Variants in CD109 observed in about 807,000 individuals in gnomAD.
The protein encoded by CD109 is CD109 molecule.
CD109 carries 149 observed loss-of-function variants against 165.8 expected under a neutral mutation model. That is an observed-to-expected ratio of 0.90 (90% CI 0.79 to 1.03). CD109 has a LOEUF of 1.03. Ranked by LOEUF, CD109 falls within the 50% of genes least tolerant of loss-of-function variation. CD109 has a pLI of 0.00. For missense variants in CD109, 1,712 were observed against 1,677.8 expected, an observed-to-expected ratio of 1.02 and a Z score of -0.36; for synonymous variants, 585 against 592.1, an observed-to-expected ratio of 0.99 and a Z score of 0.18.
rs750651199 is a variant in CD109, at chr6:73,818,375, C to T, written c.3912-13C>T. On this transcript the variant is annotated splice_polypyrimidine_tract_variant and intron_variant, in intron 30 of 32. Coordinates refer to ENST00000287097, the MANE Select transcript of CD109 (RefSeq NM_133493.5). ...CCTGAGGAGTTTTCATTCATCCTCC[C>T]TCTTTGATTTAGCTTTTCGGGCCCG... The T allele has an allele frequency of 7.4e-6, 12 of 1,613,568 alleles. No homozygotes were observed. In the Middle Eastern group the frequency reaches 5.0e-4, roughly 67 times the overall value.
At position 73,723,382 on chromosome 6, in the gene CD109, T is replaced by C. The variant is rs941239287; in HGVS notation, c.276+103T>C. 7.9e-5 allele frequency: 73 copies of C among 923,324 alleles called. 1 individual carries two copies. The Admixed American group carries it at 1.2e-3, about 15-fold the overall frequency. 57.2% of individuals were successfully genotyped at this position (923,324 alleles called of 1,614,324 possible). A position where few individuals can be genotyped will look rare whatever the true frequency, so the allele number is the denominator to read the frequency against. On this transcript the variant is annotated intron_variant, in intron 3 of 32. Coordinates refer to ENST00000287097, the MANE Select transcript of CD109 (RefSeq NM_133493.5). ...TTTATGTCAATTCACACATTTCACG[T>C]TTCATGTAAGTTTGGCTTGAGTTTA... is the stretch of plus-strand genomic sequence containing the variant.
intron 20 of CD109, among the ~76,000 whole-genome samples, chr6:73,786,126 A>T (rs7769064): frequency 1.3e-5 from 2 of 151,896 alleles, no homozygotes; most frequent in Non-Finnish European, 2.9e-5. Context: ...GAGCCACTGC[A>T]CCCGACTGCC....
intron 2 of CD109, among the ~76,000 whole-genome samples, chr6:73,709,011 C>A (rs1434788840): frequency 2.6e-5 from 4 of 152,126 alleles, no homozygotes; most frequent in African/African-American, 9.7e-5. Context: ...TTAATTAGAT[C>A]CCATTTGTCA....
chr6:73,756,640 T>C lies in CD109; in HGVS notation c.634-3T>C, dbSNP rs769893136. ...TGTCTTTTTTTTCTCCCCTGCCCAA[T>C]AGGACCAGACATACTATCAATCATT... On this transcript the variant is annotated splice_polypyrimidine_tract_variant and splice_region_variant and intron_variant, in intron 5 of 32. Coordinates refer to ENST00000287097, the MANE Select transcript of CD109 (RefSeq NM_133493.5). 2 of 1,544,912 alleles carry C rather than the reference T, an allele frequency of 1.3e-6. No homozygotes were observed. Among genetic ancestry groups the C allele is most frequent in the South Asian group, 1.2e-5 (1 of 80,498 alleles).
rs6911672 is a variant in CD109, at chr6:73,742,337, A to C, written c.633+5829A>C. Among the ~76,000 whole-genome samples, 489 of 152,308 alleles carry C rather than the reference A, an allele frequency of 3.2e-3. 5 individuals carry two copies. Among genetic ancestry groups the C allele is most frequent in the African/African-American group, 0.011 (464 of 41,568 alleles). On this transcript the variant is annotated intron_variant, in intron 5 of 32. Transcript: ENST00000287097. The stretch of plus-strand genomic sequence containing the variant: ...TCACCCATGTTGTAGCATATATCAG[A>C]ATTTTCTCTCTTTTAAAGGCTGAAT...
At chr6:73,722,780 A>C (rs961083007) in intron 2 of CD109, among the ~76,000 whole-genome samples, 23 of 152,328 alleles carry the variant, frequency 1.5e-4, no homozygotes, top group African/African-American at 5.5e-4. Context: ...ACACGAAAAA[A>C]GTCTGCATCA....
At chr6:73,782,526 A>G (rs1164395208) in intron 17 of CD109, 88 bp from the exon 18 acceptor site, 3 of 1,298,524 alleles carry the variant, frequency 2.3e-6, no homozygotes, top group African/African-American at 2.9e-5. Context: ...GGACACCTCA[A>G]GTGATTGACA....
Position 73,783,724 on chromosome 6 carries a change from A to C in CD109, c.2123A>C (p.Glu708Ala), listed in dbSNP as rs1363261784. The change falls in exon 19 of 33, where the codon GAA (glutamate) becomes GCA (alanine). Residue 708 changes from glutamate (E) to alanine (A), a missense_variant. By Grantham distance (107) the Glu-to-Ala change is moderately radical (BLOSUM62 -1). Coordinates refer to ENST00000287097, the MANE Select transcript of CD109 (RefSeq NM_133493.5). Reference sequence around the variant, plus strand: ...GACTTCAGTTACAGGATTTACCAAGAATTTGAAGTAACTGTACCTGATTCT... The same window carrying C: ...GACTTCAGTTACAGGATTTACCAAGCATTTGAAGTAACTGTACCTGATTCT... Reference protein sequence around the residue: ...DTNMGYRIYQEFEVTVPDSIT... With the variant: ...DTNMGYRIYQAFEVTVPDSIT... 6.2e-7 allele frequency: 1 copy of C among 1,605,972 alleles called. No individual in the cohort carries two copies. The highest frequency in any genetic ancestry group is 1.1e-5 in the South Asian group (1 of 90,796).
At chr6:73,801,175 G>T (rs113850204) in intron 23 of CD109, among the ~76,000 whole-genome samples, 2 of 152,248 alleles carry the variant, frequency 1.3e-5, no homozygotes, top group African/African-American at 4.8e-5. Context: ...CTTGGAGCCA[G>T]TGAGAAGTTG....
At chr6:73,799,058 T>A (rs1003925753) in intron 23 of CD109, among the ~76,000 whole-genome samples, 1 of 152,188 alleles carries the variant, frequency 6.6e-6, no homozygotes, top group Admixed American at 6.5e-5. Context: ...TCTGGAGAAT[T>A]TAGTCCTTAA....
chr6:73,812,716 G>C (rs1775795779), intron 29 of CD109, among the ~76,000 whole-genome samples: 1 of 151,976 alleles, frequency 6.6e-6, no homozygotes, highest in Admixed American at 6.6e-5. Context: ...CAATCCTCTG[G>C]TACAGAAAGA....
chr6:73,815,147 T>A, intron 30 of CD109, 24 bp downstream of exon 30: 4 of 1,533,172 alleles, frequency 2.6e-6, no homozygotes, highest in Non-Finnish European at 3.5e-6. Flanking sequence ...TAGGTCTCTC[T>A]TCTTTTTTTC....
chr6:73,725,331 A>G (rs932661392), intron 3 of CD109, among the ~76,000 whole-genome samples: 3 of 152,184 alleles, frequency 2.0e-5, no homozygotes, highest in Non-Finnish European at 4.4e-5. Flanking sequence ...ATCACAGCCT[A>G]AAGCACAATA....
intron 2 of CD109, among the ~76,000 whole-genome samples, chr6:73,720,241 G>A (rs956721072): frequency 5.3e-5 from 8 of 152,086 alleles, no homozygotes; most frequent in Admixed American, 1.3e-4. Flanking sequence ...AGGACATTAT[G>A]TTAAGTGAAA....
rs893413130 is a variant in CD109, at chr6:73,715,618, CT to C, written c.248-7626del. 1.0e-3 allele frequency among the ~76,000 whole-genome samples: 154 copies of C among 149,268 alleles called. 1 individual carries two copies. The highest frequency in any genetic ancestry group is 6.8e-3 in the Middle Eastern group (2 of 294). On this transcript the variant is annotated intron_variant, in intron 2 of 32. Transcript: ENST00000287097. ...AATAAAACCAACTATACAACTGATTCTTTTTTTAATTTTTAATTGTTGTGGA... is the reference window on the plus strand; with the variant it reads ...AATAAAACCAACTATACAACTGATTCTTTTTTAATTTTTAATTGTTGTGGA...
the CD109 span, among the ~76,000 whole-genome samples, chr6:73,684,577 T>C: frequency 6.6e-6 from 1 of 152,162 alleles, no homozygotes; most frequent in African/African-American, 2.4e-5. Flanking sequence ...GATATCTCTT[T>C]GGTATTGATT....
At chr6:73,779,280 GCT>G (rs1774378875) in intron 15 of CD109, among the ~76,000 whole-genome samples, 1 of 138,268 alleles carries the variant, frequency 7.2e-6, no homozygotes, top group African/African-American at 2.8e-5. Flanking sequence ...ACGGAGTCTT[GCT>G]CTGTTACCCA....
intron 3 of CD109, among the ~76,000 whole-genome samples, chr6:73,728,567 A>G (rs1389160518): frequency 2.0e-5 from 3 of 152,148 alleles, no homozygotes; most frequent in African/African-American, 7.2e-5. Context: ...CCATTAGTTC[A>G]TCTTATTTTT....
chr6:73,758,301 T>G (rs779241886), intron 6 of CD109, among the ~76,000 whole-genome samples: 3 of 152,208 alleles, frequency 2.0e-5, no homozygotes, highest in Non-Finnish European at 4.4e-5. Context: ...TTTTATCGAC[T>G]GTAAAGAAAC....
Sources: allele counts gnomAD v4.1 joint callset (sites outside exome capture counted in the v4.1 genomes callset), GRCh38; gene constraint gnomAD v4.1.1; transcripts MANE v1.5; gene names NCBI Gene and HGNC (gene_info 2026-07-23, HGNC 2026-07-21).